The following JARID2 variants were observed in gnomAD, a reference collection of about 807,000 sequenced individuals.
The protein encoded by JARID2 is jumonji and AT-rich interaction domain containing 2.
In JARID2, 21 loss-of-function variants were observed where a neutral mutation model predicts 125.6. The ratio of observed to expected loss-of-function variants is 0.17; its 90% CI spans 0.12 to 0.24. JARID2 has a LOEUF of 0.24. Among genes scored for constraint, JARID2 ranks in the 10% least tolerant of loss-of-function variants. The probability of loss-of-function intolerance (pLI) is 1.00; values close to 1 mark genes in which losing one functional copy is unlikely to be tolerated. For missense variants in JARID2, 1,303 were observed against 1,639.6 expected (o/e 0.79, Z 3.55); for synonymous variants, 736 against 661.6 (o/e 1.11, Z -1.73).
intron 2 of JARID2, among the ~76,000 whole-genome samples, chr6:15,375,829 C>G (rs1037948191): frequency 5.9e-5 from 9 of 152,178 alleles, no homozygotes; most frequent in Admixed American, 2.0e-4. Flanking sequence ...GATGCTCTCA[C>G]TGTACTGTTC....
chr6:15,332,384 C>G (rs1762738655), intron 1 of JARID2, among the ~76,000 whole-genome samples: 1 of 152,076 alleles, frequency 6.6e-6, no homozygotes, highest in African/African-American at 2.4e-5. Context: ...TCCAAGACTC[C>G]CAGTGTTAAC....
At chr6:15,383,437 TG>T (rs1420835608) in intron 2 of JARID2, among the ~76,000 whole-genome samples, 1 of 152,160 alleles carries the variant, frequency 6.6e-6, no homozygotes, top group East Asian at 1.9e-4. Flanking sequence ...CTCTCTTTAC[TG>T]GTTCATTCCC....
At chr6:15,322,044 C>G (rs1479148813) in intron 1 of JARID2, among the ~76,000 whole-genome samples, 3 of 152,048 alleles carry the variant, frequency 2.0e-5, no homozygotes, top group Non-Finnish European at 4.4e-5. Flanking sequence ...GCCTGCCTCC[C>G]AAAGTGCTGT....
chr6:15,508,506 C>T, intron 12 of JARID2, 52 bp downstream of exon 12: 2 of 952,122 alleles, frequency 2.1e-6, no homozygotes, highest in Non-Finnish European at 3.5e-6. Flanking sequence ...CTACTATTAC[C>T]ACATGAAGTG....
At chr6:15,408,028 CT>C (rs1277915093) in intron 2 of JARID2, among the ~76,000 whole-genome samples, 2 of 152,112 alleles carry the variant, frequency 1.3e-5, no homozygotes, top group East Asian at 3.9e-4. Context: ...CTTTGGGAGG[CT>C]GAGGTGACTG....
intron 17 of JARID2, among the ~76,000 whole-genome samples, chr6:15,518,569 C>T (rs1391909956): frequency 1.3e-5 from 2 of 152,124 alleles, no homozygotes; most frequent in African/African-American, 4.8e-5. Context: ...GCAAGCTCCG[C>T]CTCCCAGGTT....
At chr6:15,391,593 A>G (rs1765011744) in intron 2 of JARID2, among the ~76,000 whole-genome samples, 1 of 152,254 alleles carries the variant, frequency 6.6e-6, no homozygotes. Flanking sequence ...AGGCTGTGTT[A>G]TGCAACCATT....
At chr6:15,315,328 C>T (rs1414643140) in intron 1 of JARID2, among the ~76,000 whole-genome samples, 2 of 152,106 alleles carry the variant, frequency 1.3e-5, no homozygotes, top group Non-Finnish European at 2.9e-5. Context: ...AGAGATGTCC[C>T]TTTAGAATGC....
chr6:15,323,993 T>G (rs1464810404), intron 1 of JARID2, among the ~76,000 whole-genome samples: 1 of 150,336 alleles, frequency 6.7e-6, no homozygotes, highest in Non-Finnish European at 1.5e-5. Context: ...CCATCCTGGC[T>G]AACATGGTGA....
intron 2 of JARID2, among the ~76,000 whole-genome samples, chr6:15,396,479 T>C (rs895257134): frequency 6.6e-6 from 1 of 152,206 alleles, no homozygotes; most frequent in African/African-American, 2.4e-5. Flanking sequence ...TATTTTTTAA[T>C]TTAAAAAATT....
chr6:15,420,945 C>T (rs1766459219), intron 3 of JARID2, among the ~76,000 whole-genome samples: 1 of 152,218 alleles, frequency 6.6e-6, no homozygotes, highest in African/African-American at 2.4e-5. Flanking sequence ...TCTGGAAATA[C>T]TTTCTCTTGG....
chr6:15,408,510 A>G (rs1057285853), intron 2 of JARID2, among the ~76,000 whole-genome samples: 3 of 152,228 alleles, frequency 2.0e-5, no homozygotes, highest in Non-Finnish European at 2.9e-5. Flanking sequence ...TAGTGACACT[A>G]CTAATGTGAT....
chr6:15,510,888 C>T (rs1771245735), intron 12 of JARID2, among the ~76,000 whole-genome samples: 1 of 152,232 alleles, frequency 6.6e-6, no homozygotes, highest in South Asian at 2.1e-4. Context: ...AGGTGCTGCT[C>T]CTGCAGTGGC....
At chr6:15,433,878 C>A (rs1454954534) in intron 3 of JARID2, among the ~76,000 whole-genome samples, 1 of 148,744 alleles carries the variant, frequency 6.7e-6, no homozygotes, top group African/African-American at 2.5e-5. Context: ...TTTTTAAATT[C>A]TTTTAGGCCC....
intron 1 of JARID2, among the ~76,000 whole-genome samples, chr6:15,358,771 T>A (rs982628282): frequency 6.6e-6 from 1 of 152,254 alleles, no homozygotes; most frequent in African/African-American, 2.4e-5. Flanking sequence ...TACAGTTAGT[T>A]ACTAAGCTTT....
intron 1 of JARID2, among the ~76,000 whole-genome samples, chr6:15,255,038 CCACAAAAACA>C (rs996883261): frequency 1.3e-4 from 19 of 151,204 alleles, no homozygotes; most frequent in Non-Finnish European, 2.4e-4. Flanking sequence ...AAAAAAAACA[CCACAAAAACA>C]CACAAAAACA....
chr6:15,346,550 TGCCTTTAC>T (rs1283051501), intron 1 of JARID2, among the ~76,000 whole-genome samples: 1 of 152,150 alleles, frequency 6.6e-6, no homozygotes, highest in Non-Finnish European at 1.5e-5. Flanking sequence ...TCTTCCTTTC[TGCCTTTAC>T]GCGTTTGGTT....
chr6:15,461,209 T>C (rs901526425), intron 4 of JARID2, among the ~76,000 whole-genome samples: 1 of 152,168 alleles, frequency 6.6e-6, no homozygotes, highest in Non-Finnish European at 1.5e-5. Context: ...ATAGGAAGGG[T>C]TGTAAGGGGA....
chr6:15,417,182 C>A (rs1000484954), intron 3 of JARID2, among the ~76,000 whole-genome samples: 1 of 152,012 alleles, frequency 6.6e-6, no homozygotes. Context: ...AAAAATTTCA[C>A]GAGAACAGTG....
Sources: gnomAD v4.1 joint callset for allele counts (sites outside exome capture counted in the v4.1 genomes callset) on GRCh38, gnomAD v4.1.1 for gene constraint, MANE v1.5 for transcripts, NCBI Gene and HGNC (gene_info 2026-07-23, HGNC 2026-07-21) for gene names.